The following SUMF1 variants were observed in gnomAD, a reference collection of about 807,000 sequenced individuals.
The protein encoded by SUMF1 is formylglycine-generating enzyme.
In SUMF1, 48 loss-of-function variants were observed where a neutral mutation model predicts 47.6. That is an observed-to-expected ratio of 1.01 (90% CI 0.80 to 1.28). SUMF1 has a LOEUF of 1.28. Among genes scored for constraint, SUMF1 ranks in the 50% most tolerant of loss-of-function variants. The probability of loss-of-function intolerance (pLI) is 0.00; values close to 1 mark genes in which losing one functional copy is unlikely to be tolerated. For synonymous variants in SUMF1, 230 were observed against 192.1 expected (o/e 1.20, Z -1.63); for missense variants, 571 against 485.4 (o/e 1.18, Z -1.66).
Position 4,455,547 on chromosome 3 carries a change from C to T in SUMF1, c.271-2498G>A, listed in dbSNP as rs534149701. Among the ~76,000 whole-genome samples, 4 of 152,280 alleles carry T rather than the reference C, an allele frequency of 2.6e-5. No homozygotes were observed. In the South Asian group the frequency reaches 8.3e-4, roughly 32 times the overall value. On this transcript the variant is annotated intron_variant, in intron 1 of 8. Coordinates refer to ENST00000272902, the MANE Select transcript of SUMF1 (RefSeq NM_182760.4). Reference sequence around the variant, plus strand: ...CCTGGCCAACACGGTGAAACCCCGTCTCTACTAAAAATACAAAAAATTAGC... The same window carrying T: ...CCTGGCCAACACGGTGAAACCCCGTTTCTACTAAAAATACAAAAAATTAGC...
At chr3:4,345,044 C>T (rs919224258) in intron 8 of SUMF1, among the ~76,000 whole-genome samples, 5 of 151,906 alleles carry the variant, frequency 3.3e-5, no homozygotes, top group Non-Finnish European at 5.9e-5. Context: ...TTAAAAAGAC[C>T]AAACCTATGA....
intron 3 of SUMF1, among the ~76,000 whole-genome samples, chr3:4,432,523 C>T: frequency 6.6e-6 from 1 of 152,164 alleles, no homozygotes; most frequent in Middle Eastern, 3.2e-3. Context: ...CCTGACCCTA[C>T]ATCACAGTCC....
At chr3:4,458,880 C>A (rs771878285) in intron 1 of SUMF1, among the ~76,000 whole-genome samples, 1 of 152,138 alleles carries the variant, frequency 6.6e-6, no homozygotes, top group Non-Finnish European at 1.5e-5. Context: ...GAAGAAAACT[C>A]TGTCATTTAT....
chr3:4,310,933 G>A (rs540109038), intron 8 of SUMF1, among the ~76,000 whole-genome samples: 1 of 152,248 alleles, frequency 6.6e-6, no homozygotes, highest in Admixed American at 6.5e-5. Context: ...ATTTACATTT[G>A]AACACTGAAC....
At chr3:4,391,831 CTTT>C (rs71053409) in intron 7 of SUMF1, among the ~76,000 whole-genome samples, 33,021 of 141,372 alleles carry the variant, frequency 0.23, 4,786 homozygotes, top group Non-Finnish European at 0.33. Flanking sequence ...CTTTTCTTTT[CTTT>C]TTTTTTTTTT....
chr3:4,417,858 G>C (rs1701764200), intron 5 of SUMF1, 152 bp downstream of exon 5: 3 of 1,393,910 alleles, frequency 2.2e-6, no homozygotes, highest in Non-Finnish European at 3.0e-6. Context: ...CCATTCTCCA[G>C]TGTCTTCTAA....
At chr3:4,174,704 T>C (rs948824549) in intron 8 of SUMF1, among the ~76,000 whole-genome samples, 1 of 152,056 alleles carries the variant, frequency 6.6e-6, no homozygotes, top group Non-Finnish European at 1.5e-5. Context: ...GTGCAGCCCA[T>C]GGAGGGTGAG....
At chr3:4,462,381 C>G (rs2079836225) in intron 1 of SUMF1, among the ~76,000 whole-genome samples, 1 of 152,154 alleles carries the variant, frequency 6.6e-6, no homozygotes, top group African/African-American at 2.4e-5. Context: ...ATGGAGCCGA[C>G]TATGCAGAAG....
intron 8 of SUMF1, among the ~76,000 whole-genome samples, chr3:4,231,045 C>A (rs902361872): frequency 6.6e-6 from 1 of 152,116 alleles, no homozygotes; most frequent in Non-Finnish European, 1.5e-5. Flanking sequence ...TCAGAAAGAT[C>A]TGCCCATTTC....
At chr3:4,187,016 C>G (rs1015277698) in intron 8 of SUMF1, among the ~76,000 whole-genome samples, 2 of 152,130 alleles carry the variant, frequency 1.3e-5, no homozygotes, top group Admixed American at 6.6e-5. Context: ...CATTCAGGAC[C>G]TGATGTGTTG....
intron 8 of SUMF1, among the ~76,000 whole-genome samples, chr3:4,220,591 G>A (rs1429001317): frequency 6.6e-6 from 1 of 151,644 alleles, no homozygotes; most frequent in African/African-American, 2.4e-5. Flanking sequence ...TTAAATGGTG[G>A]TCAAGTGTTC....
At chr3:4,226,030 A>G (rs1559587069) in intron 8 of SUMF1, among the ~76,000 whole-genome samples, 1 of 152,090 alleles carries the variant, frequency 6.6e-6, no homozygotes, top group Non-Finnish European at 1.5e-5. Context: ...GGTCATAAAG[A>G]TGACTGATTA....
At chr3:4,180,813 A>C (rs1271060016) in intron 8 of SUMF1, among the ~76,000 whole-genome samples, 1 of 151,308 alleles carries the variant, frequency 6.6e-6, no homozygotes, top group Non-Finnish European at 1.5e-5. Context: ...AGATCACACC[A>C]CTGCACTCCA....
chr3:4,046,530 C>CAATA lies in SUMF1; in HGVS notation c.1191+22035_1191+22038dup, dbSNP rs3048155. 9.9e-3 allele frequency among the ~76,000 whole-genome samples: 1,503 copies of CAATA among 152,220 alleles called. 27 individuals are homozygous for CAATA. Among genetic ancestry groups the CAATA allele is most frequent in the African/African-American group, 0.035 (1,445 of 41,516 alleles). On this transcript the variant is annotated intron_variant and NMD_transcript_variant, in intron 9 of 12. Transcript: ENST00000448413. ...TCTCTTCTCCCAGCCTTCTTCGTCT[C>CAATA]AATAAATGTCACTAGCACATATCCA...
intron 3 of SUMF1, among the ~76,000 whole-genome samples, chr3:4,420,700 T>C (rs1216230142): frequency 1.3e-5 from 2 of 151,736 alleles, no homozygotes; most frequent in Non-Finnish European, 1.5e-5. Flanking sequence ...CCGGCCTCTG[T>C]AAGAATTTTT....
At chr3:4,353,216 T>C (rs1319092960) in intron 8 of SUMF1, among the ~76,000 whole-genome samples, 3 of 152,172 alleles carry the variant, frequency 2.0e-5, no homozygotes, top group East Asian at 1.9e-4. Context: ...TTGGGCAACA[T>C]AGTGAGACCC....
intron 8 of SUMF1, among the ~76,000 whole-genome samples, chr3:4,194,310 A>G (rs1484357313): frequency 2.6e-5 from 4 of 152,160 alleles, no homozygotes; most frequent in African/African-American, 9.7e-5. Context: ...CTCATGAACA[A>G]TATTTCTTAT....
chr3:4,250,842 T>A (rs919064273), intron 8 of SUMF1, among the ~76,000 whole-genome samples: 27 of 152,294 alleles, frequency 1.8e-4, no homozygotes, highest in African/African-American at 6.5e-4. Context: ...AAAAAAAGAT[T>A]ACTTTCAAAA....
At chr3:4,222,913 C>G (rs573374708) in intron 8 of SUMF1, among the ~76,000 whole-genome samples, 1 of 152,164 alleles carries the variant, frequency 6.6e-6, no homozygotes, top group Admixed American at 6.6e-5. Context: ...AGTCCTACAA[C>G]AAGTTGATGG....
Sources: allele counts gnomAD v4.1 joint callset (sites outside exome capture counted in the v4.1 genomes callset), GRCh38; gene constraint gnomAD v4.1.1; transcripts MANE v1.5; gene names NCBI Gene and HGNC (gene_info 2026-07-23, HGNC 2026-07-21).